MASP2: variants seen among roughly 807,000 people sequenced by gnomAD.
MASP2 encodes the protein mannan-binding lectin serine protease 2.
In MASP2, 49 loss-of-function variants were observed where a neutral mutation model predicts 57.1. The ratio of observed to expected loss-of-function variants is 0.86; its 90% CI spans 0.68 to 1.09. The LOEUF (loss-of-function observed/expected upper bound fraction) is 1.09, where lower values mean the gene tolerates loss of function less well. MASP2 is among the 50% of genes least tolerant of loss of function. The pLI is 0.00. For synonymous variants in MASP2, 379 were observed against 340.8 expected (o/e 1.11, Z -1.24); for missense variants, 900 against 874.8 (o/e 1.03, Z -0.36).
At chr1:11,041,756 G>GGATA (rs1638455873) in intron 6 of MASP2, among the ~76,000 whole-genome samples, 6 of 730 alleles carry the variant, frequency 8.2e-3, no homozygotes, top group Admixed American at 0.03. Flanking sequence ...GTGGGTGGGT[G>GGATA]GATGGATGGA....
rs368626717 is a variant in MASP2 at position 11,042,994 on chromosome 1, G to C, written c.770C>G (p.Pro257Arg). The C allele has an allele frequency of 5.0e-5, 80 of 1,613,874 alleles. No homozygotes were observed. Among genetic ancestry groups the C allele is most frequent in the Non-Finnish European group, 6.8e-5 (80 of 1,179,930 alleles). ...KIQTDREEHG[P>R]FCGKTLPHRI... ...GTGGGGCAATGTCTTCCCACAGAATGGGCCATGTTCTTCTCTGTCTGTTTG... is the reference window on the plus strand; with the variant it reads ...GTGGGGCAATGTCTTCCCACAGAATCGGCCATGTTCTTCTCTGTCTGTTTG... Residue 257 changes from proline to arginine, a missense_variant, in exon 6 of 11, where the codon CCA becomes CGA. Transcript: ENST00000400897.
At chr1:11,044,212 G>A (rs551950921) in intron 4 of MASP2, among the ~76,000 whole-genome samples, 1 of 152,280 alleles carries the variant, frequency 6.6e-6, no homozygotes, top group East Asian at 1.9e-4. Flanking sequence ...GCTCCTGGAA[G>A]TTCAAGGCAA....
At chr1:11,039,411 A>AGGATGGGTGTATGGAT (rs1638347306) in intron 6 of MASP2, among the ~76,000 whole-genome samples, 2 of 148,000 alleles carry the variant, frequency 1.4e-5, no homozygotes, top group South Asian at 4.3e-4. Flanking sequence ...GGTAGGCAGA[A>AGGATGGGTGTATGGAT]GGATGGGTGT....
At chr1:11,046,803 C>A in intron 2 of MASP2, 70 bp from the exon 3 acceptor site, 4 of 1,557,666 alleles carry the variant, frequency 2.6e-6, no homozygotes, top group Non-Finnish European at 2.6e-6. Flanking sequence ...CCAAGCCTGG[C>A]CCCTGCTCCC....
chr1:11,047,090 C>G lies in MASP2; in HGVS notation c.35G>C (p.Gly12Ala). 1 of 1,550,858 alleles carries G rather than the reference C, an allele frequency of 6.4e-7. No individual in the cohort carries two copies. The highest frequency in any genetic ancestry group is 8.7e-7 in the Non-Finnish European group (1 of 1,147,140). Residue 12 changes from glycine to alanine, a missense_variant, in exon 2 of 11, where the codon GGC becomes GCC. By Grantham distance (60) the Gly-to-Ala change is moderately conservative (BLOSUM62 0). Transcript: ENST00000400897. The stretch of plus-strand genomic sequence containing the variant: ...CGGGCCCAAGGGGGTGGCCACCGAG[C>G]CACACAGAAGGCCCAGGAGGGTCAG... Reference protein sequence around the residue: ...RLLTLLGLLCGSVATPLGPKW... With the variant: ...RLLTLLGLLCASVATPLGPKW...
intron 8 of MASP2, among the ~76,000 whole-genome samples, chr1:11,034,436 G>T (rs537136872): frequency 6.7e-6 from 1 of 149,654 alleles, no homozygotes; most frequent in Admixed American, 6.7e-5. Flanking sequence ...AGTGGCTCAC[G>T]CCTGTAATCT....
chr1:11,044,771 C>G, intron 4 of MASP2: 1 of 1,152,858 alleles, frequency 8.7e-7, no homozygotes, highest in Non-Finnish European at 1.2e-6. Context: ...TCCCGACCCT[C>G]CCACCCCAGA....
intron 4 of MASP2, among the ~76,000 whole-genome samples, chr1:11,044,042 C>A (rs1250869662): frequency 6.6e-6 from 1 of 152,120 alleles, no homozygotes; most frequent in Non-Finnish European, 1.5e-5. Flanking sequence ...CCCCTAAATT[C>A]CCTTACAGCC....
At chr1:11,030,678 G>T in intron 9 of MASP2, 70 bp downstream of exon 9, 1 of 1,496,558 alleles carries the variant, frequency 6.7e-7, no homozygotes, top group Non-Finnish European at 8.9e-7. Context: ...GTTGGTTAAA[G>T]TTTATTTTCA....
rs763975049 is a variant in MASP2, at chr1:11,045,438, C to G, written c.514G>C (p.Val172Leu). 2.5e-6 allele frequency: 4 copies of G among 1,613,144 alleles called. No homozygotes were observed. The African/African-American group carries it at 4.0e-5, about 16-fold the overall frequency. Residue 172 changes from valine to leucine, a missense_variant, in exon 4 of 11, where the codon GTC (valine) becomes CTC (leucine). Transcript: ENST00000400897. ...GFYCSCRAGYVLHRNKRTCSA... is the reference protein window; with the variant it reads ...GFYCSCRAGYLLHRNKRTCSA... Reference sequence around the variant, plus strand: ...CAGGTGCGCTTGTTACGGTGCAGGACGTAGCCTGCGCGGCAGGAGCAGTAG... The same window carrying G: ...CAGGTGCGCTTGTTACGGTGCAGGAGGTAGCCTGCGCGGCAGGAGCAGTAG...
At chr1:11,033,494 A>C (rs1003341998) in intron 8 of MASP2, among the ~76,000 whole-genome samples, 1 of 151,536 alleles carries the variant, frequency 6.6e-6, no homozygotes, top group South Asian at 2.1e-4. Flanking sequence ...AAATACAAAA[A>C]CTTAGCCAGG....
intron 6 of MASP2, among the ~76,000 whole-genome samples, chr1:11,040,772 T>G (rs922913155): frequency 6.9e-6 from 1 of 145,080 alleles, no homozygotes; most frequent in Non-Finnish European, 1.5e-5. Flanking sequence ...AATGGGTGGG[T>G]GGGTGGATAA....
Position 11,034,816 on chromosome 1 carries a change from A to C in MASP2, c.1087+12T>G. The C allele has an allele frequency of 6.2e-7, 1 of 1,603,512 alleles. No individual in the cohort carries two copies. Among genetic ancestry groups the C allele is most frequent in the Non-Finnish European group, 8.5e-7 (1 of 1,174,354 alleles). Reference sequence around the variant, plus strand: ...GGCGGTTATGGGGCCTGTAGTCACCACACGACCGTACTGCTGCACGCGGGC... The same window carrying C: ...GGCGGTTATGGGGCCTGTAGTCACCCCACGACCGTACTGCTGCACGCGGGC... On this transcript the variant is annotated intron_variant, in intron 8 of 10. Transcript: ENST00000400897.
At chr1:11,033,957 ACACACACACTCTCTCTCT>A (rs1360435271) in intron 8 of MASP2, among the ~76,000 whole-genome samples, 13 of 103,750 alleles carry the variant, frequency 1.3e-4, no homozygotes, top group African/African-American at 8.4e-4. Flanking sequence ...ACACACACAC[ACACACACACTCTCTCTCT>A]CTCTCTCTCT....
intron 8 of MASP2, among the ~76,000 whole-genome samples, chr1:11,032,590 G>A (rs554318047): frequency 6.8e-6 from 1 of 147,190 alleles, no homozygotes; most frequent in South Asian, 2.2e-4. Flanking sequence ...CAGCCTGGGT[G>A]ACAGAATGAG....
In MASP2 at chr1:11,027,108, G is replaced by C; in HGVS notation, c.1838C>G (p.Thr613Ser). Residue 613 changes from threonine to serine, a missense_variant, in exon 11 of 11, where the codon ACT becomes AGT. Thr to Ser is a moderately conservative substitution (Grantham distance 58). Coordinates refer to ENST00000400897, the MANE Select transcript of MASP2 (RefSeq NM_006610.4). The part of the protein sequence containing the change: ...EKPPYPRGSV[T>S]ANMLCAGLES... Reference sequence around the variant, plus strand: ...TAAGCCAGCACAAAGCATGTTAGCAGTTACACTTCCCCTTGGATAGGGTGG... The same window carrying C: ...TAAGCCAGCACAAAGCATGTTAGCACTTACACTTCCCCTTGGATAGGGTGG... 6.2e-7 allele frequency: 1 copy of C among 1,609,480 alleles called. No individual in the cohort carries two copies. The highest frequency in any genetic ancestry group is 8.5e-7 in the Non-Finnish European group (1 of 1,177,532).
intron 3 of MASP2, 126 bp from the exon 4 acceptor site, chr1:11,045,665 C>A: frequency 9.0e-7 from 1 of 1,105,040 alleles, no homozygotes; most frequent in Non-Finnish European, 1.3e-6. Flanking sequence ...GTCTAGGGTG[C>A]GGGACTGGTG....
At chr1:11,043,079 G>A in intron 5 of MASP2, 57 bp from the exon 6 acceptor site, 2 of 1,582,680 alleles carry the variant, frequency 1.3e-6, no homozygotes, top group South Asian at 1.1e-5. Flanking sequence ...GCCTGGGCCG[G>A]AGGGAAGTAA....
chr1:11,034,967 G>A (rs1001671899), intron 7 of MASP2, 61 bp from the exon 8 acceptor site: 7 of 1,240,072 alleles, frequency 5.6e-6, no homozygotes, highest in Non-Finnish European at 8.0e-6. Flanking sequence ...ACTCCCCAAA[G>A]CTGTGCTCTC....
Sources: gnomAD v4.1 joint callset for allele counts (sites outside exome capture counted in the v4.1 genomes callset) on GRCh38, gnomAD v4.1.1 for gene constraint, MANE v1.5 for transcripts, NCBI Gene and HGNC (gene_info 2026-07-23, HGNC 2026-07-21) for gene names.